The following ADGRG7 variants were observed in gnomAD, a reference collection of about 807,000 sequenced individuals.
ADGRG7 encodes the protein adhesion G protein-coupled receptor G7, also known as G-protein coupled receptor 128.
In ADGRG7, 82 loss-of-function variants were observed where a neutral mutation model predicts 88.6. That is an observed-to-expected ratio of 0.93 (90% CI 0.77 to 1.11). The LOEUF is 1.11. Ranked by LOEUF, ADGRG7 falls within the 50% of genes most tolerant of loss-of-function variation. ADGRG7 has a pLI of 0.00. For synonymous variants in ADGRG7, 381 were observed against 345.2 expected (o/e 1.10, Z -1.15); for missense variants, 945 against 953.4 (o/e 0.99, Z 0.12).
At chr3:100,611,019 A>G (rs1707140494) in intron 1 of ADGRG7, among the ~76,000 whole-genome samples, 1 of 152,200 alleles carries the variant, frequency 6.6e-6, no homozygotes, top group African/African-American at 2.4e-5. Flanking sequence ...CAGTATTTAG[A>G]GAATACTGTA....
At chr3:100,665,683 AG>A (rs1446679910) in intron 14 of ADGRG7, among the ~76,000 whole-genome samples, 1 of 152,246 alleles carries the variant, frequency 6.6e-6, no homozygotes, top group Non-Finnish European at 1.5e-5. Context: ...TGAGAGTGGA[AG>A]GAAAAAATAG....
chr3:100,614,587 G>A (rs1707199037), intron 1 of ADGRG7, among the ~76,000 whole-genome samples: 1 of 152,012 alleles, frequency 6.6e-6, no homozygotes, highest in African/African-American at 2.4e-5. Flanking sequence ...TAACTTTATT[G>A]TCACCAAACT....
intron 6 of ADGRG7, among the ~76,000 whole-genome samples, chr3:100,642,143 G>A (rs537031595): frequency 6.6e-6 from 1 of 152,320 alleles, no homozygotes; most frequent in East Asian, 1.9e-4. Context: ...CTTTTAGCCT[G>A]CAAATGCCTG....
At chr3:100,628,010 A>G (rs1470941519) in intron 1 of ADGRG7, among the ~76,000 whole-genome samples, 1 of 152,048 alleles carries the variant, frequency 6.6e-6, no homozygotes, top group Non-Finnish European at 1.5e-5. Flanking sequence ...AGTAATTTCT[A>G]CACAAACTTT....
In ADGRG7 at chr3:100,646,038, T is replaced by C; in HGVS notation, c.1040T>C (p.Ile347Thr). 6.2e-7 allele frequency: 1 copy of C among 1,614,044 alleles called. No homozygotes were observed. The highest frequency in any genetic ancestry group is 8.5e-7 in the Non-Finnish European group (1 of 1,179,968). The change falls in exon 9 of 16, where the codon ATT becomes ACT. Residue 347 changes from isoleucine to threonine, a missense_variant. Ile to Thr is a moderately conservative substitution (Grantham distance 89). Transcript: ENST00000273352. Reference sequence around the variant, plus strand: ...GCTAAATCGGATTTTAGTCAAAAAATTATCTCAAGCAAAACTGATGAAAAT... The same window carrying C: ...GCTAAATCGGATTTTAGTCAAAAAACTATCTCAAGCAAAACTGATGAAAAT... ...FTAKSDFSQK[I>T]ISSKTDENEQ...
At chr3:100,621,422 TG>T (rs919771161) in intron 1 of ADGRG7, among the ~76,000 whole-genome samples, 17 of 152,152 alleles carry the variant, frequency 1.1e-4, no homozygotes, top group African/African-American at 4.1e-4. Context: ...AACACACAAA[TG>T]GTAAGAAAAT....
At chr3:100,643,682 G>A in intron 8 of ADGRG7, 49 bp downstream of exon 8, 2 of 1,214,682 alleles carry the variant, frequency 1.6e-6, no homozygotes, top group Non-Finnish European at 2.4e-6. Context: ...CGAATTCATG[G>A]AACTAATAAC....
At chr3:100,654,639 T>C (rs1469226837) in intron 11 of ADGRG7, 196 bp from the exon 12 acceptor site, 10 of 499,776 alleles carry the variant, frequency 2.0e-5, no homozygotes, top group South Asian at 1.8e-4. Flanking sequence ...ACTCATGACT[T>C]TGTGGAAATG....
chr3:100,669,622 G>T (rs1228685515), intron 15 of ADGRG7, among the ~76,000 whole-genome samples: 1 of 150,916 alleles, frequency 6.6e-6, no homozygotes, highest in African/African-American at 2.4e-5. Flanking sequence ...TTTGATACTG[G>T]CATAAAATGT....
chr3:100,649,849 T>C, intron 11 of ADGRG7, 42 bp downstream of exon 11: 1 of 1,059,874 alleles, frequency 9.4e-7, no homozygotes, highest in Non-Finnish European at 1.5e-6. Context: ...GAAATTGCTA[T>C]CTTGATATAA....
chr3:100,692,671 G>C (rs1190298523), intron 15 of ADGRG7, among the ~76,000 whole-genome samples: 2 of 152,192 alleles, frequency 1.3e-5, no homozygotes, highest in African/African-American at 4.8e-5. Flanking sequence ...ATGATTATAG[G>C]AAAATCACAT....
Position 100,655,100 on chromosome 3 carries a change from GCACAGCT to G in ADGRG7, c.1647_1653del (p.Gln550IlefsTer4). The G allele has an allele frequency of 6.2e-7, 1 of 1,614,100 alleles. No homozygotes were observed. Among genetic ancestry groups the G allele is most frequent in the Non-Finnish European group, 8.5e-7 (1 of 1,180,010 alleles). ...ATTTACCTGGAACGCACTCAGCGCT[GCACAGCT>G]CTATTACCTTCTAATAAGGACCATG... is the stretch of plus-strand genomic sequence containing the variant. On this transcript the variant is annotated frameshift_variant, in exon 12 of 16. Transcript: ENST00000273352. LOFTEE classifies it high-confidence loss of function.
chr3:100,660,259 G>A (rs2094943433), intron 14 of ADGRG7, among the ~76,000 whole-genome samples: 1 of 152,256 alleles, frequency 6.6e-6, no homozygotes, highest in South Asian at 2.1e-4. Context: ...TATTTTACAT[G>A]TGTTGCTTGA....
At chr3:100,625,349 T>G (rs1027880608) in intron 1 of ADGRG7, among the ~76,000 whole-genome samples, 2 of 152,190 alleles carry the variant, frequency 1.3e-5, no homozygotes, top group Non-Finnish European at 2.9e-5. Context: ...CTATTGTTGG[T>G]GTATAGTTGT....
chr3:100,669,206 GC>G, intron 15 of ADGRG7, 101 bp downstream of exon 15: 6 of 995,500 alleles, frequency 6.0e-6, no homozygotes, highest in Non-Finnish European at 8.2e-6. Flanking sequence ...AAAAATCTAG[GC>G]CAGGCGCGGT....
intron 2 of ADGRG7, 138 bp from the exon 3 acceptor site, chr3:100,630,567 C>A (rs1707446284): frequency 2.6e-6 from 1 of 385,360 alleles, no homozygotes; most frequent in South Asian, 1.2e-4. Flanking sequence ...TATAGAAGTT[C>A]CTCACAGGCC....
intron 15 of ADGRG7, among the ~76,000 whole-genome samples, chr3:100,679,840 A>T (rs1392777072): frequency 6.6e-6 from 1 of 152,218 alleles, no homozygotes; most frequent in African/African-American, 2.4e-5. Context: ...GCTGAAGCTT[A>T]GACTTCTGTG....
At position 100,655,162 on chromosome 3, in the gene ADGRG7, C is replaced by A; in HGVS notation, c.1707C>A (p.Phe569Leu). 1 of 1,608,996 alleles carries A rather than the reference C, an allele frequency of 6.2e-7. No individual in the cohort carries two copies. Among genetic ancestry groups the A allele is most frequent in the Non-Finnish European group, 8.5e-7 (1 of 1,176,288 alleles). ...CTCTTCCTCGGCATTTCATTCTTTT[C>A]ATCTCATTAATTGGATGGGGTAAGT... Reference protein sequence around the residue: ...MKPLPRHFILFISLIGWGVPA... With the variant: ...MKPLPRHFILLISLIGWGVPA... Residue 569 changes from phenylalanine to leucine, a missense_variant, in exon 12 of 16, where the codon TTC (phenylalanine) becomes TTA (leucine). Coordinates refer to ENST00000273352, the MANE Select transcript of ADGRG7 (RefSeq NM_032787.3).
intron 15 of ADGRG7, among the ~76,000 whole-genome samples, chr3:100,682,661 G>T (rs1143779): frequency 0.85 from 128,571 of 152,118 alleles, 57,442 homozygotes; most frequent in Non-Finnish European, 0.99. Context: ...GCCACAAGAA[G>T]AACTTGCAGT....
Sources: allele counts gnomAD v4.1 joint callset (sites outside exome capture counted in the v4.1 genomes callset), GRCh38; gene constraint gnomAD v4.1.1; transcripts MANE v1.5; gene names NCBI Gene and HGNC (gene_info 2026-07-23, HGNC 2026-07-21).